The following DEPDC1B variants were observed in gnomAD, a reference collection of about 807,000 sequenced individuals.
The protein encoded by DEPDC1B is DEP domain-containing protein 1B.
Under a neutral mutation model 66.5 loss-of-function variants are expected in DEPDC1B, and 51 were observed. The observed-to-expected ratio is 0.77, with a 90% CI of 0.61 to 0.97. The LOEUF (loss-of-function observed/expected upper bound fraction) is 0.97, where lower values mean the gene tolerates loss of function less well. Among genes scored for constraint, DEPDC1B ranks in the 50% least tolerant of loss-of-function variants. DEPDC1B has a pLI of 0.00. For missense variants in DEPDC1B, 552 were observed against 637.1 expected (o/e 0.87, Z 1.44); for synonymous variants, 226 against 223.6 (o/e 1.01, Z -0.10).
chr5:60,647,730 A>AT, intron 2 of DEPDC1B, 197 bp from the exon 3 acceptor site: 1 of 426,748 alleles, frequency 2.3e-6, no homozygotes. Flanking sequence ...TTGAATACAT[A>AT]TTTTTTATCA....
chr5:60,638,672 TG>T, intron 7 of DEPDC1B, 77 bp downstream of exon 7: 1 of 1,438,834 alleles, frequency 7.0e-7, no homozygotes. Flanking sequence ...TTTTGGCTAA[TG>T]GAAGTCTCAA....
chr5:60,630,312 C>CCATATGAT (rs1752893831), intron 7 of DEPDC1B, among the ~76,000 whole-genome samples: 1 of 152,198 alleles, frequency 6.6e-6, no homozygotes, highest in Non-Finnish European at 1.5e-5. Flanking sequence ...GCTCCTTGCC[C>CCATATGAT]AGAGTAGGAG....
At chr5:60,647,657 A>C in intron 2 of DEPDC1B, 124 bp from the exon 3 acceptor site, 1 of 1,071,336 alleles carries the variant, frequency 9.3e-7, no homozygotes, top group Non-Finnish European at 1.3e-6. Flanking sequence ...TTATACAATA[A>C]TTACATAAAT....
At chr5:60,634,297 T>C (rs528506424) in intron 7 of DEPDC1B, among the ~76,000 whole-genome samples, 2 of 152,224 alleles carry the variant, frequency 1.3e-5, no homozygotes, top group Non-Finnish European at 2.9e-5. Flanking sequence ...TACAGCAGAC[T>C]TCCTTTGCAA....
At chr5:60,676,499 C>T (rs2112002440) in intron 2 of DEPDC1B, among the ~76,000 whole-genome samples, 1 of 152,258 alleles carries the variant, frequency 6.6e-6, no homozygotes, top group Admixed American at 6.5e-5. Flanking sequence ...GAAATAAAAC[C>T]CTACTCCATA....
At chr5:60,601,823 A>AG (rs1294266838) in intron 9 of DEPDC1B, among the ~76,000 whole-genome samples, 2 of 152,222 alleles carry the variant, frequency 1.3e-5, no homozygotes, top group Non-Finnish European at 2.9e-5. Flanking sequence ...ACATGTATTA[A>AG]GCCCACATGT....
At chr5:60,684,379 T>C (rs1754364024) in intron 2 of DEPDC1B, among the ~76,000 whole-genome samples, 1 of 152,082 alleles carries the variant, frequency 6.6e-6, no homozygotes, top group African/African-American at 2.4e-5. Flanking sequence ...TGAAACAAAA[T>C]GGTGTTGGTA....
chr5:60,604,821 TTTTCTTCAGCTTTTCAAAAAGGTC>T, intron 8 of DEPDC1B, among the ~76,000 whole-genome samples: 1 of 152,194 alleles, frequency 6.6e-6, no homozygotes, highest in Middle Eastern at 3.4e-3. Flanking sequence ...AGATATAAAG[TTTTCTTCAGCTTTTCAAAAAGGTC>T]TATTAGCCTC....
Position 60,671,485 on chromosome 5 carries a change from A to G in DEPDC1B, c.314+15477T>C, listed in dbSNP as rs75998601. The stretch of plus-strand genomic sequence containing the variant: ...TAATGAGCCAAGATAATCCTTCCAG[A>G]AGACCTAAGACTCCTCTAACAGCAT... On this transcript the variant is annotated intron_variant, in intron 2 of 10. Coordinates refer to ENST00000265036, the MANE Select transcript of DEPDC1B (RefSeq NM_018369.3). Among the ~76,000 whole-genome samples the G allele has an allele frequency of 7.6e-3, 1,165 of 152,314 alleles. 10 individuals carry two copies. The highest frequency in any genetic ancestry group is 0.028 in the South Asian group (134 of 4,828).
chr5:60,681,926 A>C (rs1281238370), intron 2 of DEPDC1B, among the ~76,000 whole-genome samples: 1 of 152,104 alleles, frequency 6.6e-6, no homozygotes, highest in East Asian at 1.9e-4. Flanking sequence ...GAGAAATTTA[A>C]TAAAAAGATA....
chr5:60,677,295 G>GACAGACAC (rs1754183180), intron 2 of DEPDC1B, among the ~76,000 whole-genome samples: 1 of 113,706 alleles, frequency 8.8e-6, no homozygotes. Flanking sequence ...TTTTCATACA[G>GACAGACAC]ACACACACAC....
rs1329525383 is a variant in DEPDC1B, at chr5:60,598,020, GTTTATT to G, written c.1429-112_1429-107del. 417 of 962,380 alleles carry G rather than the reference GTTTATT, an allele frequency of 4.3e-4. 3 individuals are homozygous for G. The highest frequency in any genetic ancestry group is 7.0e-5 in the Non-Finnish European group (48 of 684,744). The allele number at this position is 962,380 out of a possible 1,614,324, so 59.6% of individuals were successfully genotyped here. A position where few individuals can be genotyped will look rare whatever the true frequency, so the allele number is the denominator to read the frequency against. ...TCTGAGCCTGTATTTTCCTGTTTTT[GTTTATT>G]TTTGTTAAAACATTTCATTCCAATT... On this transcript the variant is annotated intron_variant, in intron 10 of 10. Coordinates refer to ENST00000265036, the MANE Select transcript of DEPDC1B (RefSeq NM_018369.3).
intron 2 of DEPDC1B, among the ~76,000 whole-genome samples, chr5:60,677,004 G>C (rs1204837064): frequency 2.6e-5 from 4 of 152,198 alleles, no homozygotes. Flanking sequence ...ATGAGAAAGA[G>C]AACTGAGTGG....
At chr5:60,664,081 A>C (rs1753783086) in intron 2 of DEPDC1B, among the ~76,000 whole-genome samples, 1 of 152,244 alleles carries the variant, frequency 6.6e-6, no homozygotes, top group South Asian at 2.1e-4. Flanking sequence ...AGTAGAATGG[A>C]CACCTGAAGC....
chr5:60,615,810 G>A lies in DEPDC1B; in HGVS notation c.899-9954C>T, dbSNP rs538543050. 1.6e-3 allele frequency among the ~76,000 whole-genome samples: 241 copies of A among 152,330 alleles called. 1 individual carries two copies. Among genetic ancestry groups the A allele is most frequent in the African/African-American group, 5.6e-3 (232 of 41,578 alleles). ...AAGAGAGTAGTGGTTCTCCCAGCAC[G>A]CAGCTTGAGATCTGAGAATGGACAG... On this transcript the variant is annotated intron_variant, in intron 7 of 10. Coordinates refer to ENST00000265036, the MANE Select transcript of DEPDC1B (RefSeq NM_018369.3).
intron 7 of DEPDC1B, among the ~76,000 whole-genome samples, chr5:60,615,215 G>A (rs1298600193): frequency 1.3e-5 from 2 of 152,108 alleles, no homozygotes; most frequent in South Asian, 2.1e-4. Flanking sequence ...AGTGCCCAGC[G>A]TGAGCAACGC....
At chr5:60,669,830 C>G (rs1433643281) in intron 2 of DEPDC1B, among the ~76,000 whole-genome samples, 3 of 152,014 alleles carry the variant, frequency 2.0e-5, no homozygotes. Flanking sequence ...GACACTCCTA[C>G]CTTAAATTAA....
At chr5:60,607,632 T>C (rs1277239616) in intron 7 of DEPDC1B, among the ~76,000 whole-genome samples, 1 of 152,130 alleles carries the variant, frequency 6.6e-6, no homozygotes, top group East Asian at 1.9e-4. Flanking sequence ...AAAGATGCTA[T>C]GGAGAAAAAT....
intron 7 of DEPDC1B, among the ~76,000 whole-genome samples, chr5:60,614,243 T>C (rs191083242): frequency 2.0e-5 from 3 of 152,332 alleles, no homozygotes; most frequent in Admixed American, 1.3e-4. Flanking sequence ...GTCATGCTCA[T>C]AGTTAACAAA....
Sources: allele counts gnomAD v4.1 joint callset (sites outside exome capture counted in the v4.1 genomes callset), GRCh38; gene constraint gnomAD v4.1.1; transcripts MANE v1.5; gene names NCBI Gene and HGNC (gene_info 2026-07-23, HGNC 2026-07-21).